Variants in MMP26 observed in about 807,000 individuals in gnomAD.
MMP26 encodes matrix metallopeptidase 26, also known as matrix metalloproteinase-26.
MMP26 carries 33 observed loss-of-function variants against 31.0 expected under a neutral mutation model. That is an observed-to-expected ratio of 1.06 (90% CI 0.81 to 1.42). The LOEUF (loss-of-function observed/expected upper bound fraction) is 1.42. Ranked by LOEUF, MMP26 falls within the 40% of genes most tolerant of loss-of-function variation. The probability of loss-of-function intolerance (pLI) is 0.00; values close to 1 mark genes in which losing one functional copy is unlikely to be tolerated. For synonymous variants in MMP26, 122 were observed against 114.9 expected (o/e 1.06, Z -0.40); for missense variants, 347 against 316.1 (o/e 1.10, Z -0.74).
intron 2 of MMP26, among the ~76,000 whole-genome samples, chr11:4,965,331 CA>C (rs1314297338): frequency 6.6e-6 from 1 of 152,098 alleles, no homozygotes; most frequent in Non-Finnish European, 1.5e-5. Flanking sequence ...TAAAATATTA[CA>C]TTAAATTATA....
intron 2 of MMP26, chr11:4,804,505 G>A (rs948166162): frequency 2.5e-6 from 2 of 805,538 alleles, no homozygotes; most frequent in Admixed American, 1.7e-5. Context: ...GGGTGATTGG[G>A]TTTGATTATA....
intron 2 of MMP26, among the ~76,000 whole-genome samples, chr11:4,797,760 T>C (rs1849126875): frequency 6.6e-6 from 1 of 152,242 alleles, no homozygotes; most frequent in African/African-American, 2.4e-5. Flanking sequence ...AGGGATATCA[T>C]TAATTTGGAT....
intron 2 of MMP26, chr11:4,915,584 C>A (rs771596766): frequency 6.2e-7 from 1 of 1,613,958 alleles, no homozygotes; most frequent in Non-Finnish European, 8.5e-7. Context: ...GATGTGCATG[C>A]GCTCCAGCCC....
intron 2 of MMP26, chr11:4,915,472 C>T: frequency 6.2e-7 from 1 of 1,614,084 alleles, no homozygotes; most frequent in Non-Finnish European, 8.5e-7. Context: ...GGAAGAGATA[C>T]ATAGGTTCAT....
At chr11:4,795,839 A>AGAGG (rs1341438609) in intron 2 of MMP26, among the ~76,000 whole-genome samples, 8 of 139,196 alleles carry the variant, frequency 5.7e-5, no homozygotes, top group Non-Finnish European at 1.1e-4. Flanking sequence ...AAAGAGAGAG[A>AGAGG]GAGGGAGAGA....
At chr11:4,796,730 T>G (rs1433922) in intron 2 of MMP26, among the ~76,000 whole-genome samples, 56,079 of 151,886 alleles carry the variant, frequency 0.37, 11,438 homozygotes, top group African/African-American at 0.52. Flanking sequence ...ACACACTGAG[T>G]AAAGGCCTGA....
chr11:4,822,196 A>T (rs1344866706), intron 2 of MMP26: 1 of 1,600,628 alleles, frequency 6.2e-7, no homozygotes, highest in East Asian at 2.2e-5. Flanking sequence ...CCCTCTCATC[A>T]GTTTGTCTCT....
chr11:4,876,160 G>C (rs1425613974), intron 2 of MMP26: 1 of 152,106 alleles, frequency 6.6e-6, no homozygotes, highest in Non-Finnish European at 1.5e-5. Flanking sequence ...TAGGACTGTG[G>C]TTATATTCTT....
chr11:4,882,850 T>A (rs756609408), intron 2 of MMP26: 11 of 1,613,538 alleles, frequency 6.8e-6, no homozygotes, highest in African/African-American at 1.3e-5. Flanking sequence ...CATGGGGTTT[T>A]AATGTGAGGG....
intron 2 of MMP26, among the ~76,000 whole-genome samples, chr11:4,911,149 T>C (rs924212029): frequency 6.6e-6 from 1 of 152,188 alleles, no homozygotes; most frequent in African/African-American, 2.4e-5. Flanking sequence ...TTCTCTCAGT[T>C]TACCACTTGA....
In MMP26 at chr11:4,853,040, G is replaced by T. The variant is rs141684473; in HGVS notation, c.-145+85699G>T. 8.6e-4 allele frequency among the ~76,000 whole-genome samples: 131 copies of T among 152,298 alleles called. 2 individuals carry two copies. The highest frequency in any genetic ancestry group is 3.4e-3 in the Middle Eastern group (1 of 294). On this transcript the variant is annotated intron_variant, in intron 2 of 7. Coordinates refer to ENST00000380390, the MANE Select transcript of MMP26 (RefSeq NM_021801.5). ...ACAGAACAGAAGGGTGATTATCAGG[G>T]TTTGAGGGGATGTGGGGGAAATAGG...
intron 1 of MMP26, chr11:4,710,297 T>C (rs1224919936): frequency 2.2e-6 from 1 of 456,836 alleles, no homozygotes; most frequent in African/African-American, 2.0e-5. Flanking sequence ...TTGGTACCTG[T>C]GTCTCTCACA....
intron 2 of MMP26, among the ~76,000 whole-genome samples, chr11:4,980,153 C>CT (rs1410649196): frequency 6.6e-6 from 1 of 152,038 alleles, no homozygotes; most frequent in Admixed American, 6.6e-5. Context: ...CATTACCTGG[C>CT]TTTTTTGCAT....
At chr11:4,906,739 C>A (rs936451647) in intron 2 of MMP26, among the ~76,000 whole-genome samples, 2 of 152,114 alleles carry the variant, frequency 1.3e-5, no homozygotes, top group Admixed American at 6.6e-5. Context: ...TTCTAAGTAT[C>A]TTTTTACTGA....
intron 2 of MMP26, among the ~76,000 whole-genome samples, chr11:4,845,160 G>A (rs1849850040): frequency 6.6e-6 from 1 of 151,956 alleles, no homozygotes; most frequent in African/African-American, 2.4e-5. Flanking sequence ...ATTTACAATA[G>A]CCACATGTAA....
Position 4,843,509 on chromosome 11 carries a change from C to T in MMP26, c.-145+76168C>T, listed in dbSNP as rs138843854. Among the ~76,000 whole-genome samples, 17 of 152,336 alleles carry T rather than the reference C, an allele frequency of 1.1e-4. 1 individual carries two copies. The South Asian group carries it at 2.3e-3, about 20-fold the overall frequency. On this transcript the variant is annotated intron_variant, in intron 2 of 7. Coordinates refer to ENST00000380390, the MANE Select transcript of MMP26 (RefSeq NM_021801.5). ...AGGAATAGTCCGAGCTGTACCTTGG[C>T]TCCTTTTAGCAATGGCTGGAGCTGG...
chr11:4,860,465 C>T (rs1409723180), intron 2 of MMP26: 2 of 470,142 alleles, frequency 4.3e-6, no homozygotes, highest in Non-Finnish European at 8.8e-6. Flanking sequence ...TAGAGAAATC[C>T]CAGGGGAAAG....
chr11:4,962,957 G>C (rs969869318), intron 2 of MMP26, among the ~76,000 whole-genome samples: 3 of 152,180 alleles, frequency 2.0e-5, no homozygotes, highest in Non-Finnish European at 4.4e-5. Flanking sequence ...CCAGAGTTTT[G>C]CTGCTGTGTA....
At chr11:4,976,943 C>A (rs770263357) in intron 2 of MMP26, among the ~76,000 whole-genome samples, 8 of 152,002 alleles carry the variant, frequency 5.3e-5, no homozygotes, top group Non-Finnish European at 7.4e-5. Flanking sequence ...ACTTTTGCTA[C>A]TTGCTTATAC....
Sources: gnomAD v4.1 joint callset for allele counts (sites outside exome capture counted in the v4.1 genomes callset) on GRCh38, gnomAD v4.1.1 for gene constraint, MANE v1.5 for transcripts, NCBI Gene and HGNC (gene_info 2026-07-23, HGNC 2026-07-21) for gene names.